SLC25A21: variants seen among roughly 807,000 people sequenced by gnomAD.
SLC25A21 encodes mitochondrial 2-oxodicarboxylate carrier.
Under a neutral mutation model 43.8 loss-of-function variants are expected in SLC25A21, and 47 were observed. That is an observed-to-expected ratio of 1.07 (90% confidence interval 0.85 to 1.37). The LOEUF is 1.37. Ranked by LOEUF, SLC25A21 falls within the 40% of genes most tolerant of loss-of-function variation. The pLI, the probability that SLC25A21 is intolerant of heterozygous loss-of-function variation, is 0.00. For missense variants in SLC25A21, 352 were observed against 350.2 expected (o/e 1.00, Z -0.04); for synonymous variants, 131 against 121.3 (o/e 1.08, Z -0.52).
chr14:37,077,324 A>G (rs1962301255), intron 1 of SLC25A21, among the ~76,000 whole-genome samples: 1 of 152,236 alleles, frequency 6.6e-6, no homozygotes, highest in Admixed American at 6.5e-5. Flanking sequence ...TTGATTTTCT[A>G]AACTTTACAA....
At chr14:37,093,937 TATC>T (rs1223262369) in intron 1 of SLC25A21, among the ~76,000 whole-genome samples, 2 of 152,192 alleles carry the variant, frequency 1.3e-5, no homozygotes, top group African/African-American at 4.8e-5. Context: ...CTCTTTAGCT[TATC>T]ATATACATTT....
chr14:37,006,692 A>G (rs1362092705), intron 1 of SLC25A21, among the ~76,000 whole-genome samples: 1 of 152,078 alleles, frequency 6.6e-6, no homozygotes, highest in African/African-American at 2.4e-5. Flanking sequence ...CAACATTTTA[A>G]TGTTTCTAAA....
chr14:36,918,686 T>C (rs1891896564), intron 1 of SLC25A21, among the ~76,000 whole-genome samples: 1 of 152,120 alleles, frequency 6.6e-6, no homozygotes, highest in African/African-American at 2.4e-5. Context: ...ACAAATTTCA[T>C]ACTTTCTCAT....
At position 37,040,348 on chromosome 14, in the gene SLC25A21, G is replaced by A. The variant is rs1373405174; in HGVS notation, c.70+131933C>T. ...AGAGGGGAAGGAAGGAAGGAAGGAA[G>A]GAAGGAAAGAAAGAGAGAGAGAGAG... On this transcript the variant is annotated intron_variant, in intron 1 of 9. Coordinates refer to ENST00000331299, the MANE Select transcript of SLC25A21 (RefSeq NM_030631.4). Among the ~76,000 whole-genome samples the A allele has an allele frequency of 7.7e-5, 5 of 64,846 alleles. No homozygotes were observed. The East Asian group carries it at 1.2e-3, about 16-fold the overall frequency. The allele number at this position is 64,846 out of a possible 152,430, so 42.5% of individuals were successfully genotyped here.
At chr14:37,156,765 C>A (rs184033346) in intron 1 of SLC25A21, among the ~76,000 whole-genome samples, 1 of 152,008 alleles carries the variant, frequency 6.6e-6, no homozygotes, top group East Asian at 1.9e-4. Flanking sequence ...TATACTGAAG[C>A]ACCCAGATTC....
chr14:36,949,358 T>C (rs915417242), intron 1 of SLC25A21, among the ~76,000 whole-genome samples: 6 of 152,228 alleles, frequency 3.9e-5, no homozygotes, highest in African/African-American at 1.4e-4. Flanking sequence ...AAATTGTTTG[T>C]ATGTATCCCA....
chr14:36,876,120 T>C (rs549033218), intron 1 of SLC25A21, among the ~76,000 whole-genome samples: 8 of 152,322 alleles, frequency 5.3e-5, no homozygotes, highest in Admixed American at 1.3e-4. Context: ...TAGTTTCTTA[T>C]AGGCAGAGCA....
chr14:36,943,057 T>C (rs1328440406), intron 1 of SLC25A21, among the ~76,000 whole-genome samples: 1 of 152,204 alleles, frequency 6.6e-6, no homozygotes, highest in Non-Finnish European at 1.5e-5. Context: ...GCGGAATTAC[T>C]ACTACATGCC....
rs567658912 is a variant in SLC25A21 at position 37,144,584 on chromosome 14, AAAG to A, written c.70+27694_70+27696del. 1.9e-4 allele frequency among the ~76,000 whole-genome samples: 29 copies of A among 152,326 alleles called. No homozygotes were observed. In the South Asian group the frequency reaches 6.0e-3, roughly 32 times the overall value. ...GGGGAAAACAACTTCATCAGGTGAA[AAAG>A]AAGATTATGTTAATGAAATCCAGGT... On this transcript the variant is annotated intron_variant, in intron 1 of 9. Transcript: ENST00000331299.
chr14:37,137,308 T>C (rs1468452228), intron 1 of SLC25A21, among the ~76,000 whole-genome samples: 2 of 152,230 alleles, frequency 1.3e-5, no homozygotes, highest in African/African-American at 4.8e-5. Flanking sequence ...GCACTGACTT[T>C]TGAATGCTGG....
At chr14:36,938,301 A>G (rs77582014) in intron 1 of SLC25A21, among the ~76,000 whole-genome samples, 10,409 of 152,200 alleles carry the variant, frequency 0.068, 508 homozygotes, top group Middle Eastern at 0.16. Context: ...GGACTGTGCC[A>G]GGCCTTTAAC....
chr14:36,691,625 G>C (rs1026559717), intron 7 of SLC25A21, among the ~76,000 whole-genome samples: 1 of 152,146 alleles, frequency 6.6e-6, no homozygotes, highest in African/African-American at 2.4e-5. Flanking sequence ...AGGCCAAGGC[G>C]GGAGGATAGC....
intron 1 of SLC25A21, among the ~76,000 whole-genome samples, chr14:37,149,225 G>T: frequency 6.6e-6 from 1 of 151,808 alleles, no homozygotes; most frequent in African/African-American, 2.4e-5. Context: ...CTAATCTCCA[G>T]CTATGAGCTC....
chr14:37,067,224 A>G (rs1443740077), intron 1 of SLC25A21, among the ~76,000 whole-genome samples: 5 of 152,182 alleles, frequency 3.3e-5, no homozygotes, highest in Admixed American at 3.3e-4. Flanking sequence ...AATTTTGAAT[A>G]GGCAAATAAA....
intron 1 of SLC25A21, among the ~76,000 whole-genome samples, chr14:37,060,379 CTAATAA>C (rs71124787): frequency 0.044 from 6,068 of 138,050 alleles, 208 homozygotes; most frequent in African/African-American, 0.077. Flanking sequence ...ACTCTACTCT[CTAATAA>C]TAATAATAAT....
At chr14:36,900,210 C>G (rs1352997602) in intron 1 of SLC25A21, among the ~76,000 whole-genome samples, 1 of 151,990 alleles carries the variant, frequency 6.6e-6, no homozygotes, top group Non-Finnish European at 1.5e-5. Context: ...ATGCAAGAGG[C>G]AAGCAGAACT....
intron 1 of SLC25A21, among the ~76,000 whole-genome samples, chr14:36,985,612 T>C (rs1960129440): frequency 6.6e-6 from 1 of 152,192 alleles, no homozygotes; most frequent in South Asian, 2.1e-4. Context: ...ACACTAAAAC[T>C]ACTATGTTAT....
intron 6 of SLC25A21, among the ~76,000 whole-genome samples, chr14:36,723,902 G>A (rs934793739): frequency 1.3e-5 from 2 of 150,096 alleles, no homozygotes; most frequent in Non-Finnish European, 2.9e-5. Context: ...CCTACTCACT[G>A]CTGCTTCAAG....
At chr14:36,854,314 G>A (rs1224849437) in intron 2 of SLC25A21, among the ~76,000 whole-genome samples, 1 of 152,222 alleles carries the variant, frequency 6.6e-6, no homozygotes. Flanking sequence ...AGATATAGAA[G>A]AGGATTCACA....
Sources: allele counts gnomAD v4.1 joint callset (sites outside exome capture counted in the v4.1 genomes callset), GRCh38; gene constraint gnomAD v4.1.1; transcripts MANE v1.5; gene names NCBI Gene and HGNC (gene_info 2026-07-23, HGNC 2026-07-21).